Variants in CPAMD8 observed in about 807,000 individuals in gnomAD.
The protein encoded by CPAMD8 is C3 and PZP like alpha-2-macroglobulin domain containing 8.
In CPAMD8, 146 loss-of-function variants were observed where a neutral mutation model predicts 224.7. The observed-to-expected ratio is 0.65, with a 90% CI of 0.57 to 0.75. CPAMD8 has a LOEUF of 0.75. CPAMD8 is among the 30% of genes least tolerant of loss of function. The pLI, the probability that CPAMD8 is intolerant of heterozygous loss-of-function variation, is 0.00. For missense variants in CPAMD8, 2,301 were observed against 2,537.5 expected (o/e 0.91, Z 2.00); for synonymous variants, 966 against 1,044.6 (o/e 0.92, Z 1.45).
chr19:16,901,437 A>G lies in CPAMD8; in HGVS notation c.4686-140T>C, dbSNP rs2052254409. On this transcript the variant is annotated intron_variant, in intron 35 of 41. Transcript: ENST00000443236. ...GGCCTGGCCGGCAGGCCAACAGCAC[A>G]CACATCCTTGGCTCGGTCAACTCAG... 7.3e-5 allele frequency: 50 copies of G among 680,640 alleles called. 1 individual carries two copies. In the South Asian group the frequency reaches 8.2e-4, roughly 11 times the overall value. 42.2% of individuals were successfully genotyped at this position (680,640 alleles called of 1,614,324 possible).
intron 30 of CPAMD8, among the ~76,000 whole-genome samples, chr19:16,905,252 T>A (rs2144755441): frequency 6.7e-6 from 1 of 150,286 alleles, no homozygotes; most frequent in African/African-American, 2.5e-5. Flanking sequence ...TCTCAATAAA[T>A]AAATAAATAC....
chr19:16,895,884 T>TGA (rs2051942844), intron 41 of CPAMD8: 5 of 528,338 alleles, frequency 9.5e-6, no homozygotes, highest in African/African-American at 8.1e-5. Context: ...TTGACCCGTA[T>TGA]GCGCGCGCGC....
chr19:16,895,770 G>A, intron 41 of CPAMD8: 1 of 384,026 alleles, frequency 2.6e-6, no homozygotes, highest in Non-Finnish European at 5.3e-6. Context: ...TTAGATTAGG[G>A]ATGCTGAACC....
At chr19:16,920,554 G>A (rs1448571725) in intron 27 of CPAMD8, among the ~76,000 whole-genome samples, 2 of 150,774 alleles carry the variant, frequency 1.3e-5, no homozygotes, top group African/African-American at 4.9e-5. Context: ...CTGAGGAGGT[G>A]TGTGCACACT....
chr19:16,996,937 G>A (rs549913811), intron 11 of CPAMD8, among the ~76,000 whole-genome samples, 174 bp downstream of exon 11: 5 of 151,746 alleles, frequency 3.3e-5, no homozygotes, highest in African/African-American at 9.7e-5. Flanking sequence ...GTCCTTTCCC[G>A]TGGAGGAAAA....
In CPAMD8 at chr19:16,894,094, C is replaced by T. The variant is rs575171152; in HGVS notation, c.5427-755G>A. 7.6e-5 allele frequency: 15 copies of T among 197,592 alleles called. No homozygotes were observed. In the East Asian group the frequency reaches 1.3e-3, roughly 17 times the overall value. 12.2% of individuals were successfully genotyped at this position (197,592 alleles called of 1,614,324 possible). Reference sequence around the variant, plus strand: ...CAGAATGTCAGGCTGTGGGAGCTGCCGTGGCCCCAGGAAAATGATGCCCAG... The same window carrying T: ...CAGAATGTCAGGCTGTGGGAGCTGCTGTGGCCCCAGGAAAATGATGCCCAG... On this transcript the variant is annotated intron_variant, in intron 41 of 41. Coordinates refer to ENST00000443236, the MANE Select transcript of CPAMD8 (RefSeq NM_015692.5).
intron 35 of CPAMD8, among the ~76,000 whole-genome samples, 155 bp from the exon 36 acceptor site, chr19:16,901,452 G>T (rs1042793950): frequency 6.6e-6 from 1 of 152,164 alleles, no homozygotes; most frequent in Non-Finnish European, 1.5e-5. Flanking sequence ...TCCTTGGCTC[G>T]GTCAACTCAG....
Position 16,976,080 on chromosome 19 carries a change from C to A in CPAMD8, c.1830G>T (p.Arg610Ser). The A allele has an allele frequency of 1.9e-6, 3 of 1,612,362 alleles. No homozygotes were observed. Among genetic ancestry groups the A allele is most frequent in the Non-Finnish European group, 2.5e-6 (3 of 1,178,904 alleles). The change falls in exon 16 of 42, where the codon AGG becomes AGT. Residue 610 changes from arginine (R) to serine (S), a missense_variant. By Grantham distance (110) the Arg-to-Ser change is moderately radical. Transcript: ENST00000443236. ...CTGCGGCGACGCACACACAGCTGCC[C>A]CTTGCAGCCCTGATCCGCAGGTCGA... is the stretch of plus-strand genomic sequence containing the variant. ...EVVDLRIRAA[R>S]GSCVCVAAVD... is the part of the protein sequence containing the mutation.
At position 16,952,130 on chromosome 19, in the gene CPAMD8, C is replaced by A; in HGVS notation, c.2347G>T (p.Val783Leu). The change falls in exon 20 of 42, where the codon GTG becomes TTG. Residue 783 changes from valine (V) to leucine (L), a missense_variant. Physicochemically the swap from Val to Leu is conservative, Grantham distance 32. Around this residue, in one of 4 missense-constraint regions of CPAMD8, gnomAD observed 1,709 missense variants for 1,753.2 expected, o/e 0.97. Transcript: ENST00000443236. ...DSITSWVGEA[V>L]ALSTSQGLGI... ...AAGCCCTGAGAGGTGGACAGGGCCA[C>A]GGCCTCACCCACCCAGCTGGTGATG... 1 of 1,551,970 alleles carries A rather than the reference C, an allele frequency of 6.4e-7. No individual in the cohort carries two copies. Among genetic ancestry groups the A allele is most frequent in the Non-Finnish European group, 8.7e-7 (1 of 1,146,896 alleles).
Position 16,903,743 on chromosome 19 carries a change from C to T in CPAMD8, c.4366G>A (p.Glu1456Lys), listed in dbSNP as rs776990790. 21 of 1,614,058 alleles carry T rather than the reference C, an allele frequency of 1.3e-5. No homozygotes were observed. In the Admixed American group the frequency reaches 1.7e-4, roughly 13 times the overall value. The change falls in exon 33 of 42, where the codon GAG (glutamate) becomes AAG (lysine). Residue 1456 changes from glutamate (E) to lysine (K), a missense_variant. Glu to Lys is a moderately conservative substitution (Grantham distance 56, BLOSUM62 1). This residue lies in a region of CPAMD8 where 1,709 missense variants were observed against 1,753.2 expected (regional missense o/e 0.97). Coordinates refer to ENST00000443236, the MANE Select transcript of CPAMD8 (RefSeq NM_015692.5). Reference sequence around the variant, plus strand: ...ACCTTCTGGTTGGTCCTGTGCAGCTCGAAGGTTTCCTGGTAGTCCAGGTTG... The same window carrying T: ...ACCTTCTGGTTGGTCCTGTGCAGCTTGAAGGTTTCCTGGTAGTCCAGGTTG... Reference protein sequence around the residue: ...STNLDYQETFELHRTNQKVLQ... With the variant: ...STNLDYQETFKLHRTNQKVLQ...
chr19:16,894,921 A>ACACAC (rs2051899268), intron 41 of CPAMD8: 1 of 151,572 alleles, frequency 6.6e-6, no homozygotes, highest in African/African-American at 2.8e-5. Context: ...CCATCTCTAC[A>ACACAC]ACACACACAC....
intron 13 of CPAMD8, among the ~76,000 whole-genome samples, chr19:16,984,330 A>AAGAGAG (rs770216662): frequency 7.5e-6 from 1 of 132,558 alleles, no homozygotes; most frequent in South Asian, 2.2e-4. Context: ...AAAAAAAAAA[A>AAGAGAG]AGAGAGAGAG....
At chr19:16,943,364 G>A (rs565977479) in intron 22 of CPAMD8, among the ~76,000 whole-genome samples, 10 of 152,052 alleles carry the variant, frequency 6.6e-5, no homozygotes, top group East Asian at 1.9e-4. Flanking sequence ...GTTTATCCAC[G>A]TTGTAGCATG....
Position 16,925,290 on chromosome 19 carries a change from G to A in CPAMD8, c.3453C>T (p.His1151=). 1 of 1,614,248 alleles carries A rather than the reference G, an allele frequency of 6.2e-7. No homozygotes were observed. The highest frequency in any genetic ancestry group is 2.2e-5 in the East Asian group (1 of 44,890). The change falls in exon 26 of 42, where the codon CAC becomes CAT. Residue 1151 remains histidine, a synonymous_variant. Transcript: ENST00000443236. ...TCAAGACAAAGACGTTGGGTGCAAA[G>A]TGGATCATGTTCTGCTCTCCACAGC... ...PFGCGEQNMI[H]FAPNVFVLKY... is the part of the protein sequence containing the mutation.
intron 11 of CPAMD8, 56 bp downstream of exon 11, chr19:16,997,055 G>C: frequency 9.3e-7 from 1 of 1,072,330 alleles, no homozygotes. Context: ...GTGGCTAGTG[G>C]TGGTGGTTTC....
chr19:17,021,081 A>G (rs559366877), intron 2 of CPAMD8, among the ~76,000 whole-genome samples: 14 of 152,232 alleles, frequency 9.2e-5, no homozygotes, highest in Non-Finnish European at 1.9e-4. Flanking sequence ...TGATTGGCTC[A>G]GGGTTGAGCA....
chr19:16,896,753 G>T, intron 39 of CPAMD8, 88 bp from the exon 40 acceptor site: 1 of 984,560 alleles, frequency 1.0e-6, no homozygotes, highest in Non-Finnish European at 1.4e-6. Context: ...GATGTCCCTG[G>T]GTCCCGGGCC....
intron 15 of CPAMD8, among the ~76,000 whole-genome samples, chr19:16,976,556 C>T (rs1367126460): frequency 6.6e-6 from 1 of 152,012 alleles, no homozygotes; most frequent in Non-Finnish European, 1.5e-5. Flanking sequence ...CCCATGCACC[C>T]CCTGCCCACC....
chr19:16,975,966 G>A, intron 16 of CPAMD8, 36 bp downstream of exon 16: 1 of 1,487,188 alleles, frequency 6.7e-7, no homozygotes, highest in African/African-American at 1.4e-5. Flanking sequence ...AAAGCCCCGT[G>A]GAGGTCTAGA....
Sources: allele counts gnomAD v4.1 joint callset (sites outside exome capture counted in the v4.1 genomes callset), GRCh38; gene constraint gnomAD v4.1.1; regional missense constraint gnomAD v4.1.1; transcripts MANE v1.5; gene names NCBI Gene and HGNC (gene_info 2026-07-23, HGNC 2026-07-21).